DCLK2: variants seen among roughly 807,000 people sequenced by gnomAD.
DCLK2 encodes the protein doublecortin like kinase 2, also known as serine/threonine-protein kinase DCLK2.
DCLK2 carries 31 observed loss-of-function variants against 78.4 expected under a neutral mutation model. The ratio of observed to expected loss-of-function variants is 0.40; its 90% CI spans 0.30 to 0.53. DCLK2 has a LOEUF of 0.53. Among genes scored for constraint, DCLK2 ranks in the 20% least tolerant of loss-of-function variants. DCLK2 has a pLI of 0.61. For synonymous variants in DCLK2, 407 were observed against 374.9 expected (o/e 1.09, Z -0.99); for missense variants, 872 against 973.7 (o/e 0.90, Z 1.39).
intron 8 of DCLK2, among the ~76,000 whole-genome samples, chr4:150,230,487 T>C (rs1181310730): frequency 6.6e-6 from 1 of 152,182 alleles, no homozygotes; most frequent in East Asian, 1.9e-4. Context: ...AGAATTGAAG[T>C]GATAGATTCA....
chr4:150,150,574 TA>T (rs1165652460), intron 2 of DCLK2, among the ~76,000 whole-genome samples: 3 of 152,234 alleles, frequency 2.0e-5, no homozygotes, highest in African/African-American at 7.2e-5. Flanking sequence ...ATGTAGCATT[TA>T]TTTTTTTAAA....
chr4:150,190,969 A>G (rs1451874015), intron 2 of DCLK2, among the ~76,000 whole-genome samples: 1 of 152,026 alleles, frequency 6.6e-6, no homozygotes. Flanking sequence ...AAATAAATAA[A>G]TTAAGATTTA....
chr4:150,187,199 C>A (rs1738022114), intron 2 of DCLK2, among the ~76,000 whole-genome samples: 1 of 152,084 alleles, frequency 6.6e-6, no homozygotes, highest in South Asian at 2.1e-4. Flanking sequence ...CAGAGTCTTG[C>A]TGTGTCACCC....
In DCLK2 at chr4:150,110,378, A is replaced by G. The variant is rs138262699; in HGVS notation, c.756+7566A>G. On this transcript the variant is annotated intron_variant, in intron 2 of 15. Coordinates refer to ENST00000296550, the MANE Select transcript of DCLK2 (RefSeq NM_001040260.4). ...ACAATATTAATTTTGTTACATATGT[A>G]TTTGACAATGTGTAGAGTAATAGCT... 3.0e-3 allele frequency among the ~76,000 whole-genome samples: 453 copies of G among 152,306 alleles called. 4 individuals are homozygous for G. The highest frequency in any genetic ancestry group is 0.01 in the African/African-American group (433 of 41,574).
In DCLK2 at chr4:150,098,698, CTTTTTT is replaced by C. The variant is rs59616581; in HGVS notation, c.422-3769_422-3764del. Among the ~76,000 whole-genome samples the C allele has an allele frequency of 4.6e-5, 6 of 129,092 alleles. No individual in the cohort carries two copies. In the South Asian group the frequency reaches 7.5e-4, roughly 16 times the overall value. 84.7% of individuals were successfully genotyped at this position (129,092 alleles called of 152,430 possible). A position where few individuals can be genotyped will look rare whatever the true frequency, so the allele number is the denominator to read the frequency against. On this transcript the variant is annotated intron_variant, in intron 1 of 15. Transcript: ENST00000296550. ...TCATACTGTGGGGTTTTTTCTTTTT[CTTTTTT>C]TTTTTTTTTTGGCAGAGTCTCATTC...
chr4:150,254,588 C>T lies in DCLK2; in HGVS notation c.2074-1432C>T, dbSNP rs552878478. On this transcript the variant is annotated intron_variant, in intron 15 of 15. Transcript: ENST00000296550. ...GAAAAACCTGTATGCTGGCTCTCTG[C>T]TTCCCATGTAGGTGGGAGCATCTTT... 8.0e-4 allele frequency: 318 copies of T among 398,014 alleles called. 3 individuals are homozygous for T. The highest frequency in any genetic ancestry group is 6.1e-3 in the African/African-American group (299 of 48,748). The allele number at this position is 398,014 out of a possible 1,614,324, so 24.7% of individuals were successfully genotyped here.
chr4:150,189,973 G>A (rs1054108302), intron 2 of DCLK2, among the ~76,000 whole-genome samples: 1 of 146,240 alleles, frequency 6.8e-6, no homozygotes, highest in African/African-American at 2.5e-5. Context: ...CTTGAGCCCA[G>A]GAGTTGAGAC....
At chr4:150,252,289 A>G (rs1047996493) in intron 15 of DCLK2, among the ~76,000 whole-genome samples, 2 of 152,224 alleles carry the variant, frequency 1.3e-5, no homozygotes, top group Non-Finnish European at 2.9e-5. Context: ...ATAAAACATT[A>G]AAAATTGGCA....
chr4:150,185,564 A>C (rs1737866390), intron 2 of DCLK2, among the ~76,000 whole-genome samples: 1 of 152,078 alleles, frequency 6.6e-6, no homozygotes, highest in Non-Finnish European at 1.5e-5. Flanking sequence ...AAGTACAAGA[A>C]TTAGCCGGAC....
intron 2 of DCLK2, among the ~76,000 whole-genome samples, chr4:150,104,824 A>C (rs1731146859): frequency 6.6e-6 from 1 of 152,218 alleles, no homozygotes; most frequent in Admixed American, 6.5e-5. Context: ...TTACAAAGTA[A>C]ATAAACACTG....
intron 2 of DCLK2, among the ~76,000 whole-genome samples, chr4:150,153,207 G>C (rs1490361971): frequency 6.6e-6 from 1 of 152,156 alleles, no homozygotes; most frequent in Non-Finnish European, 1.5e-5. Flanking sequence ...CTTTGAGTAT[G>C]GGGGTGGGGA....
At chr4:150,225,150 A>T (rs1294266292) in intron 8 of DCLK2, among the ~76,000 whole-genome samples, 1 of 152,192 alleles carries the variant, frequency 6.6e-6, no homozygotes, top group African/African-American at 2.4e-5. Flanking sequence ...TTTGCCTCAG[A>T]GGAGAATATT....
At chr4:150,232,219 A>C in intron 8 of DCLK2, 118 bp from the exon 9 acceptor site, 1 of 1,277,134 alleles carries the variant, frequency 7.8e-7, no homozygotes, top group Non-Finnish European at 1.1e-6. Flanking sequence ...TTGTGCCAAG[A>C]GCAATGCTTT....
At chr4:150,240,503 T>C (rs1443726727) in intron 12 of DCLK2, 27 bp downstream of exon 12, 8 of 1,603,170 alleles carry the variant, frequency 5.0e-6, no homozygotes, top group Non-Finnish European at 6.0e-6. Flanking sequence ...GCGACGTATT[T>C]GAATTGCAAA....
chr4:150,187,305 A>G (rs1738029411), intron 2 of DCLK2, among the ~76,000 whole-genome samples: 1 of 152,038 alleles, frequency 6.6e-6, no homozygotes, highest in South Asian at 2.1e-4. Flanking sequence ...CACTGGGATT[A>G]AAGACATGAG....
At chr4:150,204,776 C>T (rs1441408204) in intron 5 of DCLK2, among the ~76,000 whole-genome samples, 1 of 151,992 alleles carries the variant, frequency 6.6e-6, no homozygotes, top group Non-Finnish European at 1.5e-5. Context: ...CCTGTAATCC[C>T]AGCTACTCTG....
intron 2 of DCLK2, among the ~76,000 whole-genome samples, chr4:150,152,105 A>T (rs1443306813): frequency 6.6e-6 from 1 of 152,236 alleles, no homozygotes; most frequent in African/African-American, 2.4e-5. Flanking sequence ...AGCATTAAAA[A>T]TAATATACAT....
Position 150,198,080 on chromosome 4 carries a change from G to C in DCLK2, c.938G>C (p.Arg313Pro), listed in dbSNP as rs767425247. 2 of 1,613,660 alleles carry C rather than the reference G, an allele frequency of 1.2e-6. No individual in the cohort carries two copies. The highest frequency in any genetic ancestry group is 1.7e-5 in the Admixed American group (1 of 59,964). ...YSGSKSPGPSRRSKSPASVNG... is the reference protein window; with the variant it reads ...YSGSKSPGPSPRSKSPASVNG... ...GGATCCAAAAGCCCTGGGCCCTCTCGACGCAGCAAATCACCAGCTTCAGGT... is the reference window on the plus strand; with the variant it reads ...GGATCCAAAAGCCCTGGGCCCTCTCCACGCAGCAAATCACCAGCTTCAGGT... Residue 313 changes from arginine (R) to proline (P), a missense_variant, in exon 4 of 16, where the codon CGA becomes CCA. Physicochemically the swap from Arg to Pro is moderately radical, Grantham distance 103 (BLOSUM62 -2). Around this residue, in one of 3 missense-constraint regions of DCLK2, gnomAD observed 567 missense variants for 593.4 expected, o/e 0.96. Transcript: ENST00000296550.
chr4:150,111,052 G>C (rs1443750306), intron 2 of DCLK2, among the ~76,000 whole-genome samples: 2 of 152,080 alleles, frequency 1.3e-5, no homozygotes, highest in African/African-American at 4.8e-5. Flanking sequence ...TCTTTAAGAA[G>C]GCTTTGTACT....
Sources: allele counts gnomAD v4.1 joint callset (sites outside exome capture counted in the v4.1 genomes callset), GRCh38; gene constraint gnomAD v4.1.1; regional missense constraint gnomAD v4.1.1; transcripts MANE v1.5; gene names NCBI Gene and HGNC (gene_info 2026-07-23, HGNC 2026-07-21).